The following MICAL2 variants were observed in gnomAD, a reference collection of about 807,000 sequenced individuals.
The protein encoded by MICAL2 is [F-actin]-monooxygenase MICAL2.
In MICAL2, 77 loss-of-function variants were observed where a neutral mutation model predicts 127.3. The ratio of observed to expected loss-of-function variants is 0.60; its 90% CI spans 0.50 to 0.73. MICAL2 has a LOEUF of 0.73. Among genes scored for constraint, MICAL2 ranks in the 30% least tolerant of loss-of-function variants. The probability of loss-of-function intolerance (pLI) is 0.00; values close to 1 mark genes in which losing one functional copy is unlikely to be tolerated. For synonymous variants in MICAL2, 570 were observed against 551.1 expected (o/e 1.03, Z -0.48); for missense variants, 1,351 against 1,434.4 (o/e 0.94, Z 0.94).
intron 32 of MICAL2, among the ~76,000 whole-genome samples, chr11:12,337,119 C>G (rs1384822128): frequency 6.6e-6 from 1 of 152,166 alleles, no homozygotes; most frequent in African/African-American, 2.4e-5. Flanking sequence ...TAATTATTGC[C>G]TCAATTTCAG....
chr11:12,208,443 T>G, intron 5 of MICAL2: 1 of 272,000 alleles, frequency 3.7e-6, no homozygotes, highest in Non-Finnish European at 7.0e-6. Flanking sequence ...TAGATTTGGT[T>G]GTTTGGTAAG....
chr11:12,320,865 G>A (rs1418751246), intron 30 of MICAL2, among the ~76,000 whole-genome samples: 1 of 152,032 alleles, frequency 6.6e-6, no homozygotes, highest in African/African-American at 2.4e-5. Context: ...AGTTGAGGGA[G>A]AAAGATGTAT....
At chr11:12,294,878 A>G, downstream of MICAL2, 1 of 1,447,526 alleles carries the variant, frequency 6.9e-7, no homozygotes, top group Non-Finnish European at 9.0e-7. Flanking sequence ...CTGTCCTGAT[A>G]AATGTCTGCC....
intron 32 of MICAL2, among the ~76,000 whole-genome samples, chr11:12,333,739 C>A (rs1052730227): frequency 4.6e-5 from 7 of 151,916 alleles, no homozygotes; most frequent in Admixed American, 6.6e-5. Flanking sequence ...GCATGAAACA[C>A]CTAGAAAATG....
At chr11:12,201,239 T>C (rs1419203134) in intron 3 of MICAL2, among the ~76,000 whole-genome samples, 1 of 151,892 alleles carries the variant, frequency 6.6e-6, no homozygotes, top group Non-Finnish European at 1.5e-5. Flanking sequence ...TCATTTCCCC[T>C]AATTAGGTGT....
At chr11:12,276,032 G>A, upstream of MICAL2, 1 of 399,316 alleles carries the variant, frequency 2.5e-6, no homozygotes. Flanking sequence ...CTGAGCCACA[G>A]CACAGTGATG....
At chr11:12,164,065 T>C (rs565910509) in intron 3 of MICAL2, among the ~76,000 whole-genome samples, 2 of 152,162 alleles carry the variant, frequency 1.3e-5, no homozygotes, top group Admixed American at 6.5e-5. Context: ...AGCAGAGGGA[T>C]GGAACGGAGG....
intron 3 of MICAL2, among the ~76,000 whole-genome samples, chr11:12,189,861 A>G (rs11022244): frequency 0.43 from 65,594 of 152,000 alleles, 14,267 homozygotes; most frequent in East Asian, 0.56. Context: ...CTGTGAGGGG[A>G]GGCTTTCCAG....
intron 1 of MICAL2, among the ~76,000 whole-genome samples, chr11:12,128,111 A>G (rs966348230): frequency 4.6e-5 from 7 of 152,228 alleles, no homozygotes; most frequent in Non-Finnish European, 8.8e-5. Context: ...CCTGAAGCCA[A>G]GTCAAATGAA....
intron 1 of MICAL2, chr11:12,276,510 C>T (rs531671048): frequency 6.0e-5 from 11 of 181,958 alleles, no homozygotes; most frequent in South Asian, 5.9e-4. Flanking sequence ...TGTCACCTGT[C>T]CCGAGGGCCG....
At chr11:12,360,913 T>C (rs188279775), downstream of MICAL2, among the ~76,000 whole-genome samples, 105 of 152,108 alleles carry the variant, frequency 6.9e-4, no homozygotes, top group African/African-American at 2.5e-3. Flanking sequence ...ACACAAATAT[T>C]GTGTCTGTTG....
chr11:12,207,015 C>T (rs555351053), intron 4 of MICAL2, among the ~76,000 whole-genome samples: 31 of 152,190 alleles, frequency 2.0e-4, no homozygotes, highest in African/African-American at 7.0e-4. Flanking sequence ...CTTCTAACGT[C>T]GCAGTCTGCT....
upstream of MICAL2, among the ~76,000 whole-genome samples, chr11:12,271,396 G>T (rs1863674649): frequency 6.6e-6 from 1 of 152,200 alleles, no homozygotes; most frequent in African/African-American, 2.4e-5. Context: ...TGCAGCACAG[G>T]TGAGCACACC....
chr11:12,294,589 T>C (rs1863954199), downstream of MICAL2: 2 of 1,614,228 alleles, frequency 1.2e-6, no homozygotes, highest in African/African-American at 2.7e-5. Context: ...TCCCAGATGC[T>C]TCTAAGCCTC....
At chr11:12,334,084 T>C (rs1938700400) in intron 32 of MICAL2, among the ~76,000 whole-genome samples, 3 of 152,182 alleles carry the variant, frequency 2.0e-5, no homozygotes, top group Admixed American at 1.3e-4. Context: ...GAATCTTTTT[T>C]TGACCTCAAG....
At chr11:12,155,708 A>G (rs1393284579) in intron 2 of MICAL2, among the ~76,000 whole-genome samples, 3 of 152,270 alleles carry the variant, frequency 2.0e-5, no homozygotes, top group African/African-American at 7.2e-5. Flanking sequence ...GAAAAAAGAA[A>G]GAAAAAAGTC....
chr11:12,123,837 G>A (rs1850700493), intron 1 of MICAL2, among the ~76,000 whole-genome samples: 1 of 152,128 alleles, frequency 6.6e-6, no homozygotes, highest in Admixed American at 6.5e-5. Context: ...CTCTGAACAT[G>A]CCTTAGTTTG....
At chr11:12,223,322 C>A in intron 11 of MICAL2, 89 bp from the exon 12 acceptor site, 1 of 1,111,072 alleles carries the variant, frequency 9.0e-7, no homozygotes, top group South Asian at 1.3e-5. Context: ...TGGTGGCAGG[C>A]ACTGAATTGG....
At chr11:12,184,148 A>G (rs1857855129) in intron 3 of MICAL2, among the ~76,000 whole-genome samples, 1 of 152,224 alleles carries the variant, frequency 6.6e-6, no homozygotes, top group African/African-American at 2.4e-5. Context: ...GAAAAATGAT[A>G]ATAGTCTCCA....
Sources: allele counts gnomAD v4.1 joint callset (sites outside exome capture counted in the v4.1 genomes callset), GRCh38; gene constraint gnomAD v4.1.1; transcripts MANE v1.5; gene names NCBI Gene and HGNC (gene_info 2026-07-23, HGNC 2026-07-21).